Variants in SEC23B observed in about 807,000 individuals in gnomAD.
SEC23B encodes protein transport protein Sec23B.
In SEC23B, 77 loss-of-function variants were observed where a neutral mutation model predicts 104.3. The ratio of observed to expected loss-of-function variants is 0.74; its 90% confidence interval spans 0.61 to 0.89. The LOEUF is 0.89. Ranked by LOEUF, SEC23B falls within the 40% of genes least tolerant of loss-of-function variation. The probability of loss-of-function intolerance (pLI) is 0.00; values close to 1 mark genes in which losing one functional copy is unlikely to be tolerated. For synonymous variants in SEC23B, 338 were observed against 332.5 expected, an observed-to-expected ratio of 1.02 and a Z score of -0.18; for missense variants, 885 against 949.4, an observed-to-expected ratio of 0.93 and a Z score of 0.89.
chr20:18,533,037 T>C (rs1326954911), intron 11 of SEC23B, among the ~76,000 whole-genome samples: 1 of 152,220 alleles, frequency 6.6e-6, no homozygotes, highest in Non-Finnish European at 1.5e-5. Flanking sequence ...CCCATGGTCG[T>C]TGTGCCAAAG....
upstream of SEC23B, chr20:18,507,700 G>A (rs1484149052): frequency 2.0e-5 from 3 of 152,426 alleles, no homozygotes; most frequent in Admixed American, 6.5e-5. Context: ...TTCTGAAACA[G>A]AAACGTTTAG....
chr20:18,522,996 G>A (rs1403394473), intron 4 of SEC23B, among the ~76,000 whole-genome samples: 1 of 151,918 alleles, frequency 6.6e-6, no homozygotes, highest in African/African-American at 2.4e-5. Flanking sequence ...GAACCCAGGA[G>A]GTGGAACTTG....
In SEC23B at chr20:18,508,584, G is replaced by T. The variant is rs570968328; in HGVS notation, c.-15+612G>T. 3.3e-5 allele frequency among the ~76,000 whole-genome samples: 5 copies of T among 152,210 alleles called. No individual in the cohort carries two copies. The South Asian group carries it at 1.0e-3, about 32-fold the overall frequency. On this transcript the variant is annotated intron_variant, in intron 1 of 19. Coordinates refer to ENST00000650089, the MANE Select transcript of SEC23B (RefSeq NM_006363.6). ...TCAGATGATTAGTGGACCTTCTATA[G>T]TCCCCTTGGATTATGTGTCCACTGC...
chr20:18,558,014 G>A (rs1050396326), intron 19 of SEC23B, among the ~76,000 whole-genome samples: 3 of 152,078 alleles, frequency 2.0e-5, no homozygotes, highest in Non-Finnish European at 4.4e-5. Context: ...GCCTCTGAAA[G>A]TGCTGGGATT....
At position 18,555,095 on chromosome 20, in the gene SEC23B, G is replaced by C. The variant is rs376965913; in HGVS notation, c.2149-13G>C. ...TTAATCTTTAAATCTTTTTGTTGTT[G>C]TTGTTGTTAAAGGCTCGATTCCTTT... On this transcript the variant is annotated splice_polypyrimidine_tract_variant and intron_variant, in intron 18 of 19. Coordinates refer to ENST00000650089, the MANE Select transcript of SEC23B (RefSeq NM_006363.6). 3.8e-5 allele frequency: 62 copies of C among 1,610,670 alleles called. No homozygotes were observed. The African/African-American group carries it at 7.9e-4, about 20-fold the overall frequency.
intron 15 of SEC23B, among the ~76,000 whole-genome samples, chr20:18,548,372 C>T (rs2060353189): frequency 6.6e-6 from 1 of 152,192 alleles, no homozygotes; most frequent in Admixed American, 6.5e-5. Flanking sequence ...CATTATTGAG[C>T]AACTGATGTC....
At chr20:18,529,178 CTG>C (rs981584073) in intron 9 of SEC23B, among the ~76,000 whole-genome samples, 1 of 152,184 alleles carries the variant, frequency 6.6e-6, no homozygotes, top group African/African-American at 2.4e-5. Context: ...GGTGTGAGAA[CTG>C]TATTCAGCAG....
chr20:18,526,429 C>G lies in SEC23B; in HGVS notation c.891C>G (p.Thr297=). ...TGCTGTTTACTGGAGGTCCCCCTAC[C>G]CAAGGGCCTGGCATGGTGGTTGGAG... The part of the protein sequence containing the change: ...RIMLFTGGPP[T]QGPGMVVGDE... Residue 297 remains threonine, a synonymous_variant, in exon 8 of 20, where the codon ACC becomes ACG. Transcript: ENST00000650089. 1 of 1,614,150 alleles carries G rather than the reference C, an allele frequency of 6.2e-7. No individual in the cohort carries two copies. Among genetic ancestry groups the G allele is most frequent in the East Asian group, 2.2e-5 (1 of 44,874 alleles).
chr20:18,554,128 C>T lies in SEC23B; in HGVS notation c.1993-107C>T, dbSNP rs150302638. Reference sequence around the variant, plus strand: ...GAAGCTTGTCATTTTTGATATTAGACTTCTTCACTAGAAACAAGCTCTGGG... The same window carrying T: ...GAAGCTTGTCATTTTTGATATTAGATTTCTTCACTAGAAACAAGCTCTGGG... On this transcript the variant is annotated intron_variant, in intron 17 of 19. Transcript: ENST00000650089. 3.7e-4 allele frequency: 467 copies of T among 1,275,434 alleles called. 3 individuals carry two copies. In the East Asian group the frequency reaches 0.011, roughly 29 times the overall value. 79.0% of individuals were successfully genotyped at this position (1,275,434 alleles called of 1,614,324 possible). A position where few individuals can be genotyped will look rare whatever the true frequency, so the allele number is the denominator to read the frequency against.
intron 15 of SEC23B, among the ~76,000 whole-genome samples, chr20:18,548,179 G>A (rs1055240537): frequency 7.2e-5 from 11 of 152,158 alleles, no homozygotes; most frequent in Non-Finnish European, 1.2e-4. Context: ...TTGAACTCCC[G>A]ACCTCAGGTG....
intron 12 of SEC23B, among the ~76,000 whole-genome samples, chr20:18,539,509 CAAAAAAAAAAA>C (rs1187687497): frequency 1.8e-5 from 1 of 57,122 alleles, no homozygotes; most frequent in African/African-American, 6.4e-5. Flanking sequence ...GACTCCGTCT[CAAAAAAAAAAA>C]AAAAAAAAGA....
At chr20:18,511,945 A>G (rs1375703266) in intron 2 of SEC23B, among the ~76,000 whole-genome samples, 1 of 152,254 alleles carries the variant, frequency 6.6e-6, no homozygotes, top group African/African-American at 2.4e-5. Context: ...TGTATAATTT[A>G]TATAAATCAT....
At chr20:18,536,060 C>T (rs569583389) in intron 12 of SEC23B, among the ~76,000 whole-genome samples, 2 of 152,152 alleles carry the variant, frequency 1.3e-5, no homozygotes, top group East Asian at 3.9e-4. Flanking sequence ...ATGAAAAATT[C>T]CAAACATACA....
chr20:18,559,087 G>T (rs1036474216), intron 19 of SEC23B, among the ~76,000 whole-genome samples: 3 of 149,542 alleles, frequency 2.0e-5, no homozygotes, highest in Non-Finnish European at 3.0e-5. Flanking sequence ...TGGTGGGGGG[G>T]GTGTCGGGGG....
chr20:18,561,167 A>C lies in SEC23B; in HGVS notation c.*427A>C. The C allele has an allele frequency of 4.2e-6, 1 of 238,390 alleles. No homozygotes were observed. Among genetic ancestry groups the C allele is most frequent in the Non-Finnish European group, 8.3e-6 (1 of 119,818 alleles). The allele number at this position is 238,390 out of a possible 1,614,324, so 14.8% of individuals were successfully genotyped here. On this transcript the variant is annotated 3_prime_UTR_variant, in exon 20 of 20. Coordinates refer to ENST00000650089, the MANE Select transcript of SEC23B (RefSeq NM_006363.6). ...ATGTGTTTTAAGTGACTTCCTTAAG[A>C]GGTGTTTCCTGAACCTAATTCTCAT... is the stretch of plus-strand genomic sequence containing the variant.
At chr20:18,554,457 C>A in intron 18 of SEC23B, 67 bp downstream of exon 18, 2 of 1,527,864 alleles carry the variant, frequency 1.3e-6, no homozygotes, top group Non-Finnish European at 1.8e-6. Flanking sequence ...TGCTATACAT[C>A]TAAACAGGAT....
chr20:18,524,613 A>G lies in SEC23B; in HGVS notation c.547A>G (p.Ile183Val). 2 of 1,614,250 alleles carry G rather than the reference A, an allele frequency of 1.2e-6. No individual in the cohort carries two copies. Among genetic ancestry groups the G allele is most frequent in the East Asian group, 2.2e-5 (1 of 44,880 alleles). ...VQVHELSCEG[I>V]SKSYVFRGTK... Reference sequence around the variant, plus strand: ...GGTTCATGAGCTAAGCTGTGAAGGAATCTCCAAAAGTTATGTCTTCCGAGG... The same window carrying G: ...GGTTCATGAGCTAAGCTGTGAAGGAGTCTCCAAAAGTTATGTCTTCCGAGG... The change falls in exon 5 of 20, where the codon ATC (isoleucine) becomes GTC (valine). Residue 183 changes from isoleucine (I) to valine (V), a missense_variant. Ile to Val is a conservative substitution (Grantham distance 29). Transcript: ENST00000650089.
intron 9 of SEC23B, 89 bp downstream of exon 9, chr20:18,527,700 C>A (rs2060146661): frequency 1.1e-6 from 1 of 883,370 alleles, no homozygotes; most frequent in Non-Finnish European, 1.9e-6. Flanking sequence ...TGGGCAAGGC[C>A]AACTCAGAGA....
At chr20:18,512,597 C>A (rs1489757475) in intron 3 of SEC23B, among the ~76,000 whole-genome samples, 1 of 152,158 alleles carries the variant, frequency 6.6e-6, no homozygotes, top group Non-Finnish European at 1.5e-5. Flanking sequence ...CTCTTGACTT[C>A]AGTATATTCT....
Sources: gnomAD v4.1 joint callset for allele counts (sites outside exome capture counted in the v4.1 genomes callset) on GRCh38, gnomAD v4.1.1 for gene constraint, MANE v1.5 for transcripts, NCBI Gene and HGNC (gene_info 2026-07-23, HGNC 2026-07-21) for gene names.